The following CADPS2 variants were observed in gnomAD, a reference collection of about 807,000 sequenced individuals.
CADPS2 encodes the protein calcium dependent secretion activator 2.
Under a neutral mutation model 172.5 loss-of-function variants are expected in CADPS2, and 93 were observed. The ratio of observed to expected loss-of-function variants is 0.54; its 90% CI spans 0.46 to 0.64. The LOEUF (loss-of-function observed/expected upper bound fraction) is 0.64, where lower values mean the gene tolerates loss of function less well. CADPS2 is among the 30% of genes least tolerant of loss of function. The pLI is 0.00. For missense variants in CADPS2, 1,420 were observed against 1,565.9 expected (o/e 0.91, Z 1.57); for synonymous variants, 546 against 555.2 (o/e 0.98, Z 0.23).
chr7:122,396,227 A>G (rs1190038948), intron 20 of CADPS2, among the ~76,000 whole-genome samples: 1 of 152,158 alleles, frequency 6.6e-6, no homozygotes, highest in Non-Finnish European at 1.5e-5. Context: ...CTCCTTGTTA[A>G]CCTCTATAAA....
At chr7:122,683,057 C>T (rs191328354) in intron 2 of CADPS2, among the ~76,000 whole-genome samples, 4 of 152,136 alleles carry the variant, frequency 2.6e-5, no homozygotes, top group African/African-American at 4.8e-5. Context: ...TCTTGTCTGG[C>T]GTCCAGGAAG....
chr7:122,538,559 T>C lies in CADPS2; in HGVS notation c.1475+15991A>G, dbSNP rs1290464501. On this transcript the variant is annotated intron_variant, in intron 8 of 29. Transcript: ENST00000449022. ...TAAGGATGTTTTAACACAAAAAAAC[T>C]CCACCAATATAAATTACTATATTGA... Among the ~76,000 whole-genome samples, 6 of 151,888 alleles carry C rather than the reference T, an allele frequency of 4.0e-5. No homozygotes were observed. The East Asian group carries it at 1.2e-3, about 29-fold the overall frequency.
intron 25 of CADPS2, among the ~76,000 whole-genome samples, chr7:122,376,787 G>A (rs746826481): frequency 7.2e-5 from 11 of 152,112 alleles, no homozygotes; most frequent in African/African-American, 1.2e-4. Flanking sequence ...GGTACAGTTT[G>A]AGGTGATGGT....
At position 122,503,578 on chromosome 7, in the gene CADPS2, T is replaced by C. The variant is rs1193080963; in HGVS notation, c.1542+9671A>G. 2.0e-5 allele frequency among the ~76,000 whole-genome samples: 3 copies of C among 152,194 alleles called. No homozygotes were observed. The South Asian group carries it at 6.2e-4, about 32-fold the overall frequency. Reference sequence around the variant, plus strand: ...TCCTATGTTGTCTTTTACAGAGATATACTCCTTTCTTGATGTCTTTTGAGA... The same window carrying C: ...TCCTATGTTGTCTTTTACAGAGATACACTCCTTTCTTGATGTCTTTTGAGA... On this transcript the variant is annotated intron_variant, in intron 9 of 29. Coordinates refer to ENST00000449022, the MANE Select transcript of CADPS2 (RefSeq NM_017954.11).
intron 3 of CADPS2, among the ~76,000 whole-genome samples, chr7:122,642,974 A>G (rs2077849189): frequency 6.6e-6 from 1 of 152,168 alleles, no homozygotes; most frequent in Non-Finnish European, 1.5e-5. Flanking sequence ...TGAAAATATA[A>G]GTAGATTAGG....
chr7:122,597,707 GA>G (rs748546212), intron 6 of CADPS2, among the ~76,000 whole-genome samples: 11 of 152,192 alleles, frequency 7.2e-5, no homozygotes, highest in Non-Finnish European at 1.5e-4. Context: ...TTAGAGGTTA[GA>G]AAAGAGTTTA....
intron 4 of CADPS2, among the ~76,000 whole-genome samples, chr7:122,624,513 G>C (rs1192057973): frequency 6.6e-6 from 1 of 152,092 alleles, no homozygotes; most frequent in Non-Finnish European, 1.5e-5. Context: ...ATTAATTTTA[G>C]GTTCTAATCT....
At chr7:122,490,767 TTTC>T (rs1332805847) in intron 10 of CADPS2, among the ~76,000 whole-genome samples, 1 of 152,164 alleles carries the variant, frequency 6.6e-6, no homozygotes, top group African/African-American at 2.4e-5. Context: ...TAAATTTCTA[TTTC>T]TTAATCTCTA....
intron 1 of CADPS2, among the ~76,000 whole-genome samples, chr7:122,808,314 A>G (rs145435640): frequency 0.012 from 1,857 of 152,270 alleles, 29 homozygotes; most frequent in Middle Eastern, 0.065. Context: ...TGCAGTTCGT[A>G]CCCTTGTGAT....
intron 2 of CADPS2, among the ~76,000 whole-genome samples, chr7:122,713,577 T>G (rs1013007641): frequency 1.3e-5 from 2 of 152,060 alleles, no homozygotes; most frequent in African/African-American, 4.8e-5. Context: ...GTAACCATTT[T>G]TTTCAATCTT....
At chr7:122,492,342 C>T (rs1387103708) in intron 9 of CADPS2, among the ~76,000 whole-genome samples, 1 of 152,040 alleles carries the variant, frequency 6.6e-6, no homozygotes, top group African/African-American at 2.4e-5. Flanking sequence ...TCTGGTCTGC[C>T]TCTTAATTCT....
intron 27 of CADPS2, among the ~76,000 whole-genome samples, chr7:122,350,835 A>G (rs1171626693): frequency 6.6e-6 from 1 of 151,782 alleles, no homozygotes; most frequent in Non-Finnish European, 1.5e-5. Context: ...AAAAGTAAAA[A>G]ATTAGCCAGG....
chr7:122,340,014 T>C (rs766120549), intron 28 of CADPS2, among the ~76,000 whole-genome samples: 5 of 152,238 alleles, frequency 3.3e-5, no homozygotes, highest in Non-Finnish European at 5.9e-5. Context: ...TTCATTATTT[T>C]CTTTTTATCT....
intron 1 of CADPS2, among the ~76,000 whole-genome samples, chr7:122,837,974 A>C (rs1441919842): frequency 6.7e-6 from 1 of 148,816 alleles, no homozygotes; most frequent in Non-Finnish European, 1.5e-5. Context: ...GAGACACAAC[A>C]AAAAAAGAGA....
At chr7:122,390,487 T>C (rs988427263) in intron 22 of CADPS2, among the ~76,000 whole-genome samples, 7 of 152,194 alleles carry the variant, frequency 4.6e-5, no homozygotes, top group African/African-American at 1.4e-4. Context: ...ATTTGGAATG[T>C]ATATATTCTT....
chr7:122,635,603 A>G (rs145813612), intron 3 of CADPS2, among the ~76,000 whole-genome samples: 2,700 of 152,300 alleles, frequency 0.018, 38 homozygotes, highest in Non-Finnish European at 0.027. Context: ...TACAAAGGAC[A>G]TGAACTCATC....
chr7:122,428,329 G>A (rs2049419588), intron 17 of CADPS2, among the ~76,000 whole-genome samples: 1 of 151,902 alleles, frequency 6.6e-6, no homozygotes, highest in Non-Finnish European at 1.5e-5. Flanking sequence ...TTAACACCAT[G>A]CACTCAAGTA....
intron 2 of CADPS2, among the ~76,000 whole-genome samples, chr7:122,675,677 G>A (rs2082312200): frequency 6.6e-6 from 1 of 152,162 alleles, no homozygotes. Flanking sequence ...CAGGAATGTG[G>A]ACGAAGCTGG....
chr7:122,588,332 G>A (rs1469572450), intron 6 of CADPS2, among the ~76,000 whole-genome samples: 1 of 151,880 alleles, frequency 6.6e-6, no homozygotes, highest in African/African-American at 2.4e-5. Flanking sequence ...ATACTTTTGG[G>A]TTTTACATTT....
Sources: gnomAD v4.1 joint callset for allele counts (sites outside exome capture counted in the v4.1 genomes callset) on GRCh38, gnomAD v4.1.1 for gene constraint, MANE v1.5 for transcripts, NCBI Gene and HGNC (gene_info 2026-07-23, HGNC 2026-07-21) for gene names.